TRAPPC3L: variants seen among roughly 807,000 people sequenced by gnomAD.
The protein encoded by TRAPPC3L is trafficking protein particle complex subunit 3-like protein.
In TRAPPC3L, 23 loss-of-function variants were observed where a neutral mutation model predicts 23.7. That is an observed-to-expected ratio of 0.97 (90% confidence interval 0.70 to 1.37). The LOEUF (loss-of-function observed/expected upper bound fraction) is 1.37. Among genes scored for constraint, TRAPPC3L ranks in the 40% most tolerant of loss-of-function variants. The probability of loss-of-function intolerance (pLI) is 0.00; values close to 1 mark genes in which losing one functional copy is unlikely to be tolerated. For synonymous variants in TRAPPC3L, 81 were observed against 77.9 expected (o/e 1.04, Z -0.21); for missense variants, 212 against 216.8 (o/e 0.98, Z 0.14).
intron 3 of TRAPPC3L, among the ~76,000 whole-genome samples, chr6:116,527,384 G>A (rs901510853): frequency 6.6e-6 from 1 of 152,066 alleles, no homozygotes; most frequent in Non-Finnish European, 1.5e-5. Context: ...AGGCTTGGTG[G>A]CGGGCGCCTG....
intron 3 of TRAPPC3L, among the ~76,000 whole-genome samples, chr6:116,532,437 T>C (rs1378829790): frequency 6.6e-6 from 1 of 152,182 alleles, no homozygotes; most frequent in African/African-American, 2.4e-5. Context: ...ACTTTAACAG[T>C]ATTTAATAAA....
intron 3 of TRAPPC3L, among the ~76,000 whole-genome samples, chr6:116,531,857 A>G (rs529847186): frequency 6.7e-6 from 1 of 149,798 alleles, no homozygotes; most frequent in South Asian, 2.1e-4. Context: ...ACAATTTAAT[A>G]TAATTAAAAT....
At chr6:116,520,833 G>T (rs1037057705) in intron 3 of TRAPPC3L, 33 of 152,054 alleles carry the variant, frequency 2.2e-4, no homozygotes, top group African/African-American at 7.7e-4. Context: ...GGAAAAAAGA[G>T]ACATCCTAAT....
intron 3 of TRAPPC3L, among the ~76,000 whole-genome samples, chr6:116,505,793 G>T (rs1771994991): frequency 6.6e-6 from 1 of 152,148 alleles, no homozygotes; most frequent in Admixed American, 6.5e-5. Context: ...TAATAAATGT[G>T]TTGGGAAAAC....
chr6:116,503,245 C>G (rs558845899), intron 3 of TRAPPC3L, among the ~76,000 whole-genome samples: 100 of 152,118 alleles, frequency 6.6e-4, no homozygotes, highest in African/African-American at 2.4e-3. Context: ...ATAAAACAGA[C>G]TTTAAACCAA....
chr6:116,503,526 T>TA (rs1161899651), intron 3 of TRAPPC3L, among the ~76,000 whole-genome samples: 1 of 152,188 alleles, frequency 6.6e-6, no homozygotes, highest in East Asian at 1.9e-4. Flanking sequence ...CAAGTAGACC[T>TA]AATAGACATC....
chr6:116,511,536 A>G (rs1772118101), intron 3 of TRAPPC3L: 2 of 661,592 alleles, frequency 3.0e-6, no homozygotes, highest in Non-Finnish European at 2.5e-6. Flanking sequence ...ACATGTTGAG[A>G]AATATTCATT....
intron 3 of TRAPPC3L, chr6:116,515,708 A>G (rs1465448996): frequency 6.2e-7 from 1 of 1,614,004 alleles, no homozygotes; most frequent in South Asian, 1.1e-5. Context: ...TTTTTGGAAG[A>G]CATATGCACA....
chr6:116,502,169 G>A (rs1371877599), intron 3 of TRAPPC3L, among the ~76,000 whole-genome samples: 1 of 152,172 alleles, frequency 6.6e-6, no homozygotes, highest in Non-Finnish European at 1.5e-5. Flanking sequence ...CCAGTGTAGA[G>A]AAGAGCTTAA....
At position 116,516,110 on chromosome 6, in the gene TRAPPC3L, C is replaced by T. The variant is rs541835823; in HGVS notation, c.241-15444G>A. The stretch of plus-strand genomic sequence containing the variant: ...TTACATTTGGAGTATGTTTACAAGA[C>T]AATAACACAAAGGAAACTGCTTTGA... On this transcript the variant is annotated intron_variant, in intron 3 of 4. Transcript: ENST00000368602. The T allele has an allele frequency of 4.1e-4, 536 of 1,321,772 alleles. 2 individuals are homozygous for T. The highest frequency in any genetic ancestry group is 6.3e-4 in the South Asian group (36 of 57,038). The allele number at this position is 1,321,772 out of a possible 1,614,324, so 81.9% of individuals were successfully genotyped here. A position where few individuals can be genotyped will look rare whatever the true frequency, so the allele number is the denominator to read the frequency against.
At chr6:116,507,063 T>C (rs1461880541) in intron 3 of TRAPPC3L, among the ~76,000 whole-genome samples, 1 of 151,716 alleles carries the variant, frequency 6.6e-6, no homozygotes, top group Non-Finnish European at 1.5e-5. Context: ...GTATAGAATA[T>C]TGTAAGAGGA....
At chr6:116,545,278 A>T (rs1773712999) in intron 1 of TRAPPC3L, among the ~76,000 whole-genome samples, 195 bp downstream of exon 1, 1 of 152,104 alleles carries the variant, frequency 6.6e-6, no homozygotes, top group Non-Finnish European at 1.5e-5. Flanking sequence ...TAAAGTGTGT[A>T]TAAAGAATTG....
intron 3 of TRAPPC3L, among the ~76,000 whole-genome samples, chr6:116,534,343 A>G (rs751720672): frequency 6.6e-6 from 1 of 152,206 alleles, no homozygotes; most frequent in Non-Finnish European, 1.5e-5. Flanking sequence ...TTGGAAATCT[A>G]TAGCCCTCAT....
chr6:116,504,785 G>T (rs527265193), intron 3 of TRAPPC3L, among the ~76,000 whole-genome samples: 14 of 152,176 alleles, frequency 9.2e-5, no homozygotes, highest in Non-Finnish European at 1.5e-4. Context: ...TATCTCAATA[G>T]ATGCAGAAAA....
intron 4 of TRAPPC3L, among the ~76,000 whole-genome samples, chr6:116,497,946 T>C (rs142853481): frequency 1.3e-5 from 2 of 152,194 alleles, no homozygotes; most frequent in African/African-American, 2.4e-5. Flanking sequence ...CAGCCTCAAT[T>C]TGTTAAACCA....
chr6:116,520,196 T>C (rs979711646), intron 3 of TRAPPC3L: 2 of 152,304 alleles, frequency 1.3e-5, no homozygotes, highest in Non-Finnish European at 2.9e-5. Context: ...TGATTTACTC[T>C]AAAAACTGGT....
chr6:116,540,368 C>A lies in TRAPPC3L; in HGVS notation c.235G>T (p.Ala79Ser). Reference sequence around the variant, plus strand: ...AGAGATAAAAACATAGTTACCTGGGCAATTATGTCTATAATTTCTGAATAA... The same window carrying A: ...AGAGATAAAAACATAGTTACCTGGGAAATTATGTCTATAATTTCTGAATAA... ...HSYSEIIDII[A>S]QVAFKMYLGI... The change falls in exon 3 of 5, where the codon GCC becomes TCC. Residue 79 changes from alanine (A) to serine (S), a missense_variant. Coordinates refer to ENST00000368602, the MANE Select transcript of TRAPPC3L (RefSeq NM_001139444.3). 1 of 1,550,302 alleles carries A rather than the reference C, an allele frequency of 6.5e-7. No homozygotes were observed. The highest frequency in any genetic ancestry group is 8.7e-7 in the Non-Finnish European group (1 of 1,146,078).
chr6:116,508,940 G>C (rs1463687228), intron 3 of TRAPPC3L, among the ~76,000 whole-genome samples: 1 of 151,874 alleles, frequency 6.6e-6, no homozygotes, highest in African/African-American at 2.4e-5. Flanking sequence ...AAAACCTAAA[G>C]ACTCCTCCAA....
intron 3 of TRAPPC3L, among the ~76,000 whole-genome samples, chr6:116,503,838 C>T (rs2115156612): frequency 6.6e-6 from 1 of 152,192 alleles, no homozygotes; most frequent in East Asian, 1.9e-4. Flanking sequence ...AAAAAAGGCA[C>T]AATGTACGAG....
Sources: allele counts gnomAD v4.1 joint callset (sites outside exome capture counted in the v4.1 genomes callset), GRCh38; gene constraint gnomAD v4.1.1; transcripts MANE v1.5; gene names NCBI Gene and HGNC (gene_info 2026-07-23, HGNC 2026-07-21).